The following GRM7 variants were observed in gnomAD, a reference collection of about 807,000 sequenced individuals.
GRM7 encodes the protein metabotropic glutamate receptor 7.
A neutral mutation model predicts 84.5 loss-of-function variants in GRM7; 35 were observed. That is an observed-to-expected ratio of 0.41 (90% CI 0.32 to 0.55). GRM7 has a LOEUF of 0.55. Among genes scored for constraint, GRM7 ranks in the 20% least tolerant of loss-of-function variants. The pLI, the probability that GRM7 is intolerant of heterozygous loss-of-function variation, is 0.19. For synonymous variants in GRM7, 487 were observed against 455.1 expected, an observed-to-expected ratio of 1.07 and a Z score of -0.89; for missense variants, 1,003 against 1,194.6, an observed-to-expected ratio of 0.84 and a Z score of 2.36.
chr3:7,318,003 C>T (rs1414845999), intron 4 of GRM7, among the ~76,000 whole-genome samples: 1 of 151,502 alleles, frequency 6.6e-6, no homozygotes, highest in Non-Finnish European at 1.5e-5. Flanking sequence ...GAAAGGGAGC[C>T]AAGTAAAGGT....
intron 9 of GRM7, among the ~76,000 whole-genome samples, chr3:7,699,491 T>C (rs1701146318): frequency 6.6e-6 from 1 of 152,236 alleles, no homozygotes; most frequent in Non-Finnish European, 1.5e-5. Context: ...GTTACTTTTA[T>C]GAAACAATTT....
intron 1 of GRM7, among the ~76,000 whole-genome samples, chr3:6,889,027 C>G (rs1695821380): frequency 6.6e-6 from 1 of 152,066 alleles, no homozygotes; most frequent in African/African-American, 2.4e-5. Context: ...ATTTGGCTCT[C>G]TGTTTGTCTG....
At chr3:7,586,111 C>G (rs1695506763) in intron 8 of GRM7, among the ~76,000 whole-genome samples, 1 of 152,094 alleles carries the variant, frequency 6.6e-6, no homozygotes, top group Non-Finnish European at 1.5e-5. Flanking sequence ...CTAATTATTC[C>G]TACCTCTAGG....
chr3:6,963,360 C>G (rs949237971), intron 1 of GRM7, among the ~76,000 whole-genome samples: 4 of 152,304 alleles, frequency 2.6e-5, no homozygotes, highest in Admixed American at 1.3e-4. Flanking sequence ...ATACTACTGT[C>G]AGCATCTGGA....
chr3:7,241,028 A>G (rs1697540269), intron 2 of GRM7, among the ~76,000 whole-genome samples: 1 of 152,138 alleles, frequency 6.6e-6, no homozygotes, highest in African/African-American at 2.4e-5. Flanking sequence ...ACTCTACTCT[A>G]TGATGTTTGA....
rs144768428 is a variant in GRM7, at chr3:6,863,092, A to C, written c.519+1185A>C. The stretch of plus-strand genomic sequence containing the variant: ...CCTCTGTGTCTTTCCCTATATGTGC[A>C]TCACTCTCTCTTTCTGTCTCTGTCT... On this transcript the variant is annotated intron_variant, in intron 1 of 9. Transcript: ENST00000357716. The surrounding 1 kb of genome is among the most constrained non-coding windows in gnomAD (Gnocchi z 4.8). 15 of 401,180 alleles carry C rather than the reference A, an allele frequency of 3.7e-5. No individual in the cohort carries two copies. The highest frequency in any genetic ancestry group is 3.0e-4 in the African/African-American group (14 of 46,026). 24.9% of individuals were successfully genotyped at this position (401,180 alleles called of 1,614,324 possible).
chr3:7,433,747 T>G (rs2124854168), intron 5 of GRM7, among the ~76,000 whole-genome samples: 1 of 152,320 alleles, frequency 6.6e-6, no homozygotes, highest in Middle Eastern at 3.4e-3. Context: ...ATATATTCCC[T>G]AAGGAATGTT....
At chr3:7,236,694 A>G (rs1458722435) in intron 2 of GRM7, among the ~76,000 whole-genome samples, 1 of 152,200 alleles carries the variant, frequency 6.6e-6, no homozygotes, top group African/African-American at 2.4e-5. Flanking sequence ...TAGTACCCTC[A>G]CCACAACCAA....
chr3:7,541,240 T>C (rs570855795), intron 7 of GRM7, among the ~76,000 whole-genome samples: 1 of 152,284 alleles, frequency 6.6e-6, no homozygotes, highest in Admixed American at 6.5e-5. Context: ...CTATTTTTCT[T>C]AGTCAAAATA....
At chr3:6,881,164 A>G (rs1474841763) in intron 1 of GRM7, among the ~76,000 whole-genome samples, 1 of 152,122 alleles carries the variant, frequency 6.6e-6, no homozygotes, top group Admixed American at 6.6e-5. Flanking sequence ...TCTGGGGTAC[A>G]TGTGCAGGAT....
intron 4 of GRM7, among the ~76,000 whole-genome samples, chr3:7,324,448 G>C (rs1014708086): frequency 6.6e-6 from 1 of 152,124 alleles, no homozygotes; most frequent in Non-Finnish European, 1.5e-5. Flanking sequence ...GCTGACCTCA[G>C]CCCAGTTCTA....
intron 7 of GRM7, among the ~76,000 whole-genome samples, chr3:7,533,391 T>C (rs1701118587): frequency 6.6e-6 from 1 of 152,206 alleles, no homozygotes; most frequent in Non-Finnish European, 1.5e-5. Flanking sequence ...TGCTCCTGAA[T>C]GACTACTGGG....
intron 5 of GRM7, among the ~76,000 whole-genome samples, chr3:7,423,039 T>C (rs1288173429): frequency 6.6e-6 from 1 of 152,110 alleles, no homozygotes; most frequent in Non-Finnish European, 1.5e-5. Context: ...CCTTATGAAA[T>C]AGAGGTGTAT....
chr3:7,480,876 A>G (rs148700634), intron 7 of GRM7, among the ~76,000 whole-genome samples: 1 of 152,318 alleles, frequency 6.6e-6, no homozygotes, highest in East Asian at 1.9e-4. Flanking sequence ...ATTAAGCTAC[A>G]TACAGCTAAT....
intron 9 of GRM7, chr3:7,680,550 T>C: frequency 2.1e-6 from 1 of 480,972 alleles, no homozygotes; most frequent in Non-Finnish European, 3.8e-6. Flanking sequence ...CCTTGCTTCT[T>C]GTCCTCTGGT....
chr3:7,625,754 T>C (rs183000518), intron 8 of GRM7, among the ~76,000 whole-genome samples: 8 of 152,278 alleles, frequency 5.3e-5, no homozygotes, highest in East Asian at 1.9e-4. Flanking sequence ...CCTGGCTTTA[T>C]AGGTGCAGGT....
chr3:7,503,807 C>T (rs994513496), intron 7 of GRM7, among the ~76,000 whole-genome samples: 3 of 151,998 alleles, frequency 2.0e-5, no homozygotes, highest in Admixed American at 6.6e-5. Flanking sequence ...TCAGGCCAGA[C>T]GAGATATATA....
intron 8 of GRM7, among the ~76,000 whole-genome samples, chr3:7,581,644 G>C (rs4684553): frequency 0.55 from 84,196 of 151,974 alleles, 23,531 homozygotes; most frequent in Non-Finnish European, 0.58. Flanking sequence ...AGAATCACAA[G>C]TTTTTCATTT....
intron 1 of GRM7, among the ~76,000 whole-genome samples, chr3:7,112,492 G>T (rs912582922): frequency 1.3e-5 from 2 of 152,110 alleles, no homozygotes; most frequent in African/African-American, 4.8e-5. Flanking sequence ...CCAAAGTGCT[G>T]GGATTACAGG....
Sources: gnomAD v4.1 joint callset for allele counts (sites outside exome capture counted in the v4.1 genomes callset) on GRCh38, gnomAD v4.1.1 for gene constraint, Gnocchi (gnomAD v3.1) non-coding constraint, MANE v1.5 for transcripts, NCBI Gene and HGNC (gene_info 2026-07-23, HGNC 2026-07-21) for gene names.